MYB: variants seen among roughly 807,000 people sequenced by gnomAD.
MYB encodes MYB proto-oncogene, transcription factor.
A neutral mutation model predicts 92.9 loss-of-function variants in MYB; 28 were observed. The observed-to-expected ratio is 0.30, with a 90% confidence interval of 0.22 to 0.41. MYB has a LOEUF of 0.41. Ranked by LOEUF, MYB falls within the 10% of genes least tolerant of loss-of-function variation. The pLI, the probability that MYB is intolerant of heterozygous loss-of-function variation, is 1.00. For missense variants in MYB, 679 were observed against 929.3 expected (o/e 0.73, Z 3.50); for synonymous variants, 295 against 329.1 (o/e 0.90, Z 1.12).
intron 15 of MYB, chr6:135,203,640 C>A: frequency 8.5e-7 from 1 of 1,176,628 alleles, no homozygotes; most frequent in South Asian, 1.4e-5. Flanking sequence ...CTTCTGCCCT[C>A]AAATGTTTTA....
chr6:135,197,785 A>C (rs1777537414), intron 10 of MYB, among the ~76,000 whole-genome samples: 2 of 152,206 alleles, frequency 1.3e-5, no homozygotes, highest in African/African-American at 4.8e-5. Context: ...AGAAAATTTA[A>C]AGGTTCCAAT....
chr6:135,185,080 T>C (rs1364625851), intron 1 of MYB, among the ~76,000 whole-genome samples: 1 of 152,206 alleles, frequency 6.6e-6, no homozygotes, highest in Non-Finnish European at 1.5e-5. Flanking sequence ...GGAAATCCCT[T>C]CTGGATTAGG....
At position 135,218,242 on chromosome 6, in the gene MYB, G is replaced by A. The variant is rs112250530; in HGVS notation, c.*262G>A. 5.2e-4 allele frequency: 164 copies of A among 317,110 alleles called. 1 individual carries two copies. Among genetic ancestry groups the A allele is most frequent in the African/African-American group, 4.4e-3 (151 of 34,192 alleles). The allele number at this position is 317,110 out of a possible 1,614,324, so 19.6% of individuals were successfully genotyped here. A position where few individuals can be genotyped will look rare whatever the true frequency, so the allele number is the denominator to read the frequency against. On this transcript the variant is annotated 3_prime_UTR_variant, in exon 16 of 16. Coordinates refer to ENST00000341911, the MANE Select transcript of MYB (RefSeq NM_001130173.2). ...AGCCAGTTGTTAATATCTTAATGCA[G>A]ATTTTTTTAAAAAAAACATAAAATG...
At position 135,181,611 on chromosome 6, in the gene MYB, G is replaced by A; in HGVS notation, c.23+75G>A. 1 of 1,029,972 alleles carries A rather than the reference G, an allele frequency of 9.7e-7. No individual in the cohort carries two copies. Among genetic ancestry groups the A allele is most frequent in the Non-Finnish European group, 1.2e-6 (1 of 824,062 alleles). 63.8% of individuals were successfully genotyped at this position (1,029,972 alleles called of 1,614,324 possible). ...GCGGGGCGCCAGGCTCCCGGGAGCA[G>A]GTGGGAATTCGTTCCGGGATCATCT... On this transcript the variant is annotated intron_variant, in intron 1 of 15. Transcript: ENST00000341911. The surrounding 1 kb of genome is among the most constrained non-coding windows in gnomAD (Gnocchi z 5.3).
intron 15 of MYB, among the ~76,000 whole-genome samples, chr6:135,204,448 G>A (rs1214633960): frequency 6.6e-6 from 1 of 152,090 alleles, no homozygotes; most frequent in Non-Finnish European, 1.5e-5. Context: ...ACAGGTGTGA[G>A]CCACCGGCAA....
chr6:135,189,900 T>G lies in MYB; in HGVS notation c.306+17T>G. 6.2e-7 allele frequency: 1 copy of G among 1,600,064 alleles called. No homozygotes were observed. Among genetic ancestry groups the G allele is most frequent in the Non-Finnish European group, 8.6e-7 (1 of 1,168,246 alleles). On this transcript the variant is annotated intron_variant, in intron 4 of 15. Transcript: ENST00000341911. ...GATCAGAGAGTAAGTTCTTTCTTCA[T>G]TGGTGTGTGACTCATAATTAAGAAT...
rs974068084 is a variant in MYB at position 135,192,527 on chromosome 6, A to C, written c.731A>C (p.Tyr244Ser). 1.2e-6 allele frequency: 2 copies of C among 1,614,244 alleles called. No individual in the cohort carries two copies. The highest frequency in any genetic ancestry group is 1.7e-6 in the Non-Finnish European group (2 of 1,180,022). The change falls in exon 6 of 16, where the codon TAT becomes TCT. Residue 244 changes from tyrosine to serine, a missense_variant. Tyr to Ser is a moderately radical substitution (Grantham distance 144). This residue lies in a region of MYB where 32 missense variants were observed against 29.9 expected (regional missense o/e 1.07). Coordinates refer to ENST00000341911, the MANE Select transcript of MYB (RefSeq NM_001130173.2). ...GGCCAGCCCACTGTTAACAACGACT[A>C]TTCCTATTACCACATTTCTGAAGCA... ...ATGQPTVNND[Y>S]SYYHISEAQN...
Position 135,197,199 on chromosome 6 carries a change from G to GA in MYB, c.1449dup (p.Arg484ThrfsTer13), listed in dbSNP as rs1777446735. 5.6e-6 allele frequency: 9 copies of GA among 1,613,688 alleles called. No individual in the cohort carries two copies. Among genetic ancestry groups the GA allele is most frequent in the Non-Finnish European group, 7.6e-6 (9 of 1,179,836 alleles). ...AGCACAATTCCACTGGTCATCCTTCGAAAAAAACGGGGCCAGGCCAGCCCC... is the reference window on the plus strand; with the variant it reads ...AGCACAATTCCACTGGTCATCCTTCGAAAAAAAACGGGGCCAGGCCAGCCCC... On this transcript the variant is annotated frameshift_variant, in exon 10 of 16. Transcript: ENST00000341911. LOFTEE classifies it high-confidence loss of function.
intron 15 of MYB, among the ~76,000 whole-genome samples, chr6:135,204,725 G>A (rs1223839537): frequency 1.3e-5 from 2 of 152,236 alleles, no homozygotes; most frequent in East Asian, 3.8e-4. Context: ...GGACTGGAAT[G>A]TGAGACAGGG....
At position 135,190,829 on chromosome 6, in the gene MYB, G is replaced by A. The variant is rs577119020; in HGVS notation, c.527+482G>A. ...TTTTTTAGAGACAGAGGCTTGTTCT[G>A]TCACACATGAGTGACAGAGTGCAGT... On this transcript the variant is annotated intron_variant, in intron 5 of 15. Coordinates refer to ENST00000341911, the MANE Select transcript of MYB (RefSeq NM_001130173.2). The surrounding 1 kb of genome is among the most constrained non-coding windows in gnomAD (Gnocchi z 4.5). 5.9e-5 allele frequency among the ~76,000 whole-genome samples: 9 copies of A among 151,950 alleles called. No individual in the cohort carries two copies. The highest frequency in any genetic ancestry group is 2.2e-4 in the African/African-American group (9 of 41,416).
chr6:135,186,327 C>G (rs934059350), intron 2 of MYB, among the ~76,000 whole-genome samples: 1 of 152,232 alleles, frequency 6.6e-6, no homozygotes, highest in Admixed American at 6.5e-5. Context: ...AAGGCATCAC[C>G]TCTTCTGTGA....
At position 135,182,885 on chromosome 6, in the gene MYB, T is replaced by A. The variant is rs1015905570; in HGVS notation, c.23+1349T>A. Among the ~76,000 whole-genome samples, 1 of 151,730 alleles carries A rather than the reference T, an allele frequency of 6.6e-6. No homozygotes were observed. The highest frequency in any genetic ancestry group is 6.6e-5 in the Admixed American group (1 of 15,246). ...GGGCTCTGGGGACGAGAGGGCGACT[T>A]GGGGGAGCTCCGGGCTCCCTATGCC... On this transcript the variant is annotated intron_variant, in intron 1 of 15. Coordinates refer to ENST00000341911, the MANE Select transcript of MYB (RefSeq NM_001130173.2). This position sits in a 1 kb window ranked among gnomAD's most constrained non-coding sequence, Gnocchi z 5.6.
At chr6:135,214,737 A>G (rs1201072183) in intron 15 of MYB, among the ~76,000 whole-genome samples, 2 of 152,214 alleles carry the variant, frequency 1.3e-5, no homozygotes, top group Admixed American at 1.3e-4. Flanking sequence ...AAAAGATAAC[A>G]TTAAATTTTG....
intron 7 of MYB, 62 bp from the exon 8 acceptor site, chr6:135,194,294 C>T: frequency 1.6e-6 from 2 of 1,251,640 alleles, no homozygotes; most frequent in Non-Finnish European, 2.3e-6. Context: ...TTGGCTACAC[C>T]CATTGTATTT....
intron 1 of MYB, among the ~76,000 whole-genome samples, chr6:135,184,322 C>CTTTTTTTTTTTTT: frequency 2.5e-3 from 171 of 68,296 alleles, no homozygotes; most frequent in Non-Finnish European, 3.1e-3. Context: ...GGCTTTATAG[C>CTTTTTTTTTTTTT]TTTTTTTTTT....
At chr6:135,212,836 A>T (rs1020408805) in intron 15 of MYB, among the ~76,000 whole-genome samples, 2 of 152,246 alleles carry the variant, frequency 1.3e-5, no homozygotes, top group African/African-American at 4.8e-5. Context: ...GACAGTATTT[A>T]AAAATGTTCT....
At chr6:135,188,333 A>G (rs530731376) in intron 3 of MYB, among the ~76,000 whole-genome samples, 2 of 152,010 alleles carry the variant, frequency 1.3e-5, no homozygotes, top group Non-Finnish European at 2.9e-5. Flanking sequence ...CCCAACCCCT[A>G]CATCTAAGCA....
rs536544816 is a variant in MYB, at chr6:135,218,274, C to T, written c.*294C>T. The T allele has an allele frequency of 9.0e-6, 3 of 333,390 alleles. No homozygotes were observed. The South Asian group carries it at 1.1e-4, about 12-fold the overall frequency. 20.7% of individuals were successfully genotyped at this position (333,390 alleles called of 1,614,324 possible). ...TTAAAAAAAACATAAAATGATTTAT[C>T]TGTATTTTAAAGGATCCAACAGATC... On this transcript the variant is annotated 3_prime_UTR_variant, in exon 16 of 16. Coordinates refer to ENST00000341911, the MANE Select transcript of MYB (RefSeq NM_001130173.2).
chr6:135,214,974 T>C (rs1780234708), intron 15 of MYB, among the ~76,000 whole-genome samples: 1 of 152,258 alleles, frequency 6.6e-6, no homozygotes, highest in Non-Finnish European at 1.5e-5. Context: ...TGTCTTGTCA[T>C]TTTTGAGATA....
Sources: allele counts gnomAD v4.1 joint callset (sites outside exome capture counted in the v4.1 genomes callset), GRCh38; gene constraint gnomAD v4.1.1; regional missense constraint gnomAD v4.1.1; non-coding constraint Gnocchi (gnomAD v3.1); transcripts MANE v1.5; gene names NCBI Gene and HGNC (gene_info 2026-07-23, HGNC 2026-07-21).